Variants in BPHL observed in about 807,000 individuals in gnomAD.
BPHL encodes the protein serine hydrolase BPHL.
Under a neutral mutation model 31.2 loss-of-function variants are expected in BPHL, and 27 were observed. The observed-to-expected ratio is 0.87, with a 90% CI of 0.64 to 1.19. The LOEUF (loss-of-function observed/expected upper bound fraction) is 1.19, where lower values mean the gene tolerates loss of function less well. Among genes scored for constraint, BPHL ranks in the 50% most tolerant of loss-of-function variants. BPHL has a pLI of 0.00. For missense variants in BPHL, 356 were observed against 375.7 expected (o/e 0.95, Z 0.43); for synonymous variants, 150 against 146.8 (o/e 1.02, Z -0.16).
chr6:3,123,884 C>T lies in BPHL; in HGVS notation c.211+124C>T, dbSNP rs1364052124. On this transcript the variant is annotated intron_variant, in intron 2 of 6. Coordinates refer to ENST00000380379, the MANE Select transcript of BPHL (RefSeq NM_004332.4). ...TTTTGAAATGTTTTCATATTTGCTA[C>T]AATCAAACTTAAATGACTTAGAAAA... The T allele has an allele frequency of 8.9e-6, 7 of 790,674 alleles. No homozygotes were observed. In the East Asian group the frequency reaches 2.2e-4, roughly 24 times the overall value. 49.0% of individuals were successfully genotyped at this position (790,674 alleles called of 1,614,324 possible). A position where few individuals can be genotyped will look rare whatever the true frequency, so the allele number is the denominator to read the frequency against.
At position 3,149,848 on chromosome 6, in the gene BPHL, C is replaced by G. The variant is rs1176445745; in HGVS notation, c.789-2640C>G. ...TTCACCACATTGACCAGGCTGGTCTCGAACTCCTGACCTCAAGTGATCCAC... is the reference window on the plus strand; with the variant it reads ...TTCACCACATTGACCAGGCTGGTCTGGAACTCCTGACCTCAAGTGATCCAC... On this transcript the variant is annotated intron_variant, in intron 6 of 6. Transcript: ENST00000380379. This position sits in a 1 kb window ranked among gnomAD's most constrained non-coding sequence, Gnocchi z 4.6. Among the ~76,000 whole-genome samples the G allele has an allele frequency of 1.3e-5, 2 of 152,134 alleles. No homozygotes were observed. Among genetic ancestry groups the G allele is most frequent in the Non-Finnish European group, 2.9e-5 (2 of 68,014 alleles).
intron 5 of BPHL, chr6:3,138,058 C>T (rs1294215177): frequency 8.6e-7 from 1 of 1,163,918 alleles, no homozygotes; most frequent in Non-Finnish European, 1.1e-6. Flanking sequence ...CTCACTCTGT[C>T]ACCAGGCTGG....
chr6:3,133,583 C>T (rs1761931874), intron 4 of BPHL, among the ~76,000 whole-genome samples: 1 of 152,276 alleles, frequency 6.6e-6, no homozygotes, highest in East Asian at 1.9e-4. Context: ...CATCCGAGAC[C>T]ACCTGGGTCC....
chr6:3,132,078 C>T (rs535338200), intron 4 of BPHL, among the ~76,000 whole-genome samples: 100 of 152,282 alleles, frequency 6.6e-4, no homozygotes, highest in African/African-American at 2.4e-3. Flanking sequence ...AGTAGCGCAG[C>T]ACTCTTTACT....
At chr6:3,121,324 G>A (rs1156690853) in intron 1 of BPHL, among the ~76,000 whole-genome samples, 12 of 117,532 alleles carry the variant, frequency 1.0e-4, no homozygotes, top group African/African-American at 1.4e-4. Context: ...TTTTTGAGAC[G>A]GAGTCTCTCT....
In BPHL at chr6:3,140,539, C is replaced by A. The variant is rs376324470; in HGVS notation, c.788+30C>A. On this transcript the variant is annotated intron_variant, in intron 6 of 6. Transcript: ENST00000380379. This position sits in a 1 kb window ranked among gnomAD's most constrained non-coding sequence, Gnocchi z 5.2. ...GTCCTGTCACCGCCTTCACACTCCCCCCGAGAGCCTCGGAGTCAATGGGCA... is the reference window on the plus strand; with the variant it reads ...GTCCTGTCACCGCCTTCACACTCCCACCGAGAGCCTCGGAGTCAATGGGCA... 1 of 1,609,770 alleles carries A rather than the reference C, an allele frequency of 6.2e-7. No homozygotes were observed. Among genetic ancestry groups the A allele is most frequent in the Non-Finnish European group, 8.5e-7 (1 of 1,178,970 alleles).
chr6:3,140,415 G>T lies in BPHL; in HGVS notation c.694G>T (p.Val232Phe), dbSNP rs769932198. Reference protein sequence around the residue: ...GNICRHLLPRVQCPALIVHGE... With the variant: ...GNICRHLLPRFQCPALIVHGE... ...CATCTGCCGGCACCTGCTGCCCCGG[G>T]TCCAGTGCCCCGCCTTGATTGTGCA... is the stretch of plus-strand genomic sequence containing the variant. The change falls in exon 6 of 7, where the codon GTC becomes TTC. Residue 232 changes from valine (V) to phenylalanine (F), a missense_variant. Val to Phe is a conservative substitution (Grantham distance 50). Transcript: ENST00000380379. This position sits in a 1 kb window ranked among gnomAD's most constrained non-coding sequence, Gnocchi z 5.2. The T allele has an allele frequency of 1.2e-6, 2 of 1,614,128 alleles. No individual in the cohort carries two copies. The highest frequency in any genetic ancestry group is 1.7e-6 in the Non-Finnish European group (2 of 1,180,028).
intron 1 of BPHL, among the ~76,000 whole-genome samples, chr6:3,121,291 CTTTTTTTT>C (rs67332286): frequency 3.9e-4 from 31 of 80,382 alleles, no homozygotes; most frequent in African/African-American, 6.2e-4. Flanking sequence ...ATAGCAGTTT[CTTTTTTTT>C]TTTTTTTTTT....
rs1173140569 is a variant in BPHL, at chr6:3,131,766, C to T, written c.532+2568C>T. Among the ~76,000 whole-genome samples, 4 of 152,274 alleles carry T rather than the reference C, an allele frequency of 2.6e-5. No individual in the cohort carries two copies. The South Asian group carries it at 6.2e-4, about 24-fold the overall frequency. On this transcript the variant is annotated intron_variant, in intron 4 of 6. Coordinates refer to ENST00000380379, the MANE Select transcript of BPHL (RefSeq NM_004332.4). ...AACAAGCTTCCCCCTCATGCCTCTT[C>T]GCCTTTGCAACTGCTGCTGTGCCAG...
Position 3,152,529 on chromosome 6 carries a change from G to T in BPHL, c.830G>T (p.Arg277Leu), listed in dbSNP as rs151267393. The change falls in exon 7 of 7, where the codon CGT (arginine) becomes CTT (leucine). Residue 277 changes from arginine to leucine, a missense_variant. Coordinates refer to ENST00000380379, the MANE Select transcript of BPHL (RefSeq NM_004332.4). ...GAAGGCAAACACAACCTGCATTTGC[G>T]TTTTGCAGATGAATTCAACAAGTTA... Reference protein sequence around the residue: ...MPEGKHNLHLRFADEFNKLAE... With the variant: ...MPEGKHNLHLLFADEFNKLAE... 1.2e-6 allele frequency: 2 copies of T among 1,612,694 alleles called. No individual in the cohort carries two copies. Among genetic ancestry groups the T allele is most frequent in the Non-Finnish European group, 1.7e-6 (2 of 1,179,502 alleles).
rs866069520 is a variant in BPHL at position 3,149,298 on chromosome 6, G to A, written c.789-3190G>A. On this transcript the variant is annotated intron_variant, in intron 6 of 6. Coordinates refer to ENST00000380379, the MANE Select transcript of BPHL (RefSeq NM_004332.4). The surrounding 1 kb of genome is among the most constrained non-coding windows in gnomAD (Gnocchi z 4.6). ...AAAGCTTTCCTGCAGTCCAGGGCCC[G>A]ACTAGGTCCCCACAGTCACAGCAGA... Among the ~76,000 whole-genome samples, 4 of 152,100 alleles carry A rather than the reference G, an allele frequency of 2.6e-5. No homozygotes were observed. The highest frequency in any genetic ancestry group is 7.2e-5 in the African/African-American group (3 of 41,410).
upstream of BPHL, chr6:3,118,626 A>G (rs1052000480): frequency 7.2e-6 from 5 of 696,258 alleles, no homozygotes; most frequent in African/African-American, 9.4e-5. Flanking sequence ...AGGGCGGAGC[A>G]GGATGGAGAG....
At chr6:3,123,003 C>T (rs373900595) in intron 1 of BPHL, among the ~76,000 whole-genome samples, 27 of 152,328 alleles carry the variant, frequency 1.8e-4, no homozygotes, top group African/African-American at 6.3e-4. Flanking sequence ...CCTCGTTTCA[C>T]GCCAGCCTGC....
chr6:3,134,859 C>T (rs1374203273), intron 4 of BPHL, among the ~76,000 whole-genome samples: 1 of 152,098 alleles, frequency 6.6e-6, no homozygotes, highest in Admixed American at 6.5e-5. Flanking sequence ...GCCTCGGCCT[C>T]CCAAAGTGCT....
At chr6:3,119,549 C>T (rs371854927) in intron 1 of BPHL, 4 of 1,612,616 alleles carry the variant, frequency 2.5e-6, no homozygotes, top group East Asian at 2.2e-5. Context: ...TAATTTCTGA[C>T]CTTCTGTCTT....
intron 4 of BPHL, among the ~76,000 whole-genome samples, chr6:3,135,738 T>A (rs556358399): frequency 6.6e-6 from 1 of 152,236 alleles, no homozygotes; most frequent in African/African-American, 2.4e-5. Flanking sequence ...CTAGTTTTTT[T>A]ATTAACTTTA....
chr6:3,135,109 C>T (rs982623442), intron 4 of BPHL, among the ~76,000 whole-genome samples: 1 of 152,214 alleles, frequency 6.6e-6, no homozygotes, highest in Non-Finnish European at 1.5e-5. Flanking sequence ...CATGTTTGCC[C>T]ATTTGTTTAC....
Position 3,140,460 on chromosome 6 carries a change from G to C in BPHL, c.739G>C (p.Val247Leu), listed in dbSNP as rs1052966048. ...TGTGCACGGTGAGAAGGATCCTCTG[G>C]TCCCACGGTTTCATGCCGACTTCAT... ...LIVHGEKDPLVPRFHADFIHK... is the reference protein window; with the variant it reads ...LIVHGEKDPLLPRFHADFIHK... Residue 247 changes from valine to leucine, a missense_variant, in exon 6 of 7, where the codon GTC becomes CTC. Transcript: ENST00000380379. The surrounding 1 kb of genome is among the most constrained non-coding windows in gnomAD (Gnocchi z 5.2). The C allele has an allele frequency of 1.1e-5, 18 of 1,613,970 alleles. No individual in the cohort carries two copies. The highest frequency in any genetic ancestry group is 1.4e-5 in the Non-Finnish European group (17 of 1,180,022).
upstream of BPHL, chr6:3,118,528 G>A: frequency 2.6e-6 from 1 of 386,702 alleles, no homozygotes. Flanking sequence ...GGGTGCCGGC[G>A]GTTCCAGGAC....
Sources: allele counts gnomAD v4.1 joint callset (sites outside exome capture counted in the v4.1 genomes callset), GRCh38; gene constraint gnomAD v4.1.1; non-coding constraint Gnocchi (gnomAD v3.1); transcripts MANE v1.5; gene names NCBI Gene and HGNC (gene_info 2026-07-23, HGNC 2026-07-21).